CARF: variants seen among roughly 807,000 people sequenced by gnomAD.
The protein encoded by CARF is calcium responsive transcription factor, also known as calcium-responsive transcription factor.
Under a neutral mutation model 82.0 loss-of-function variants are expected in CARF, and 57 were observed. That is an observed-to-expected ratio of 0.70 (90% CI 0.56 to 0.87). The LOEUF (loss-of-function observed/expected upper bound fraction) is 0.87, where lower values mean the gene tolerates loss of function less well. CARF is among the 40% of genes least tolerant of loss of function. The pLI is 0.00. For synonymous variants in CARF, 268 were observed against 290.1 expected (o/e 0.92, Z 0.77); for missense variants, 771 against 855.8 (o/e 0.90, Z 1.24).
At chr2:202,954,810 C>A in intron 7 of CARF, among the ~76,000 whole-genome samples, 1 of 151,274 alleles carries the variant, frequency 6.6e-6, no homozygotes, top group Non-Finnish European at 1.5e-5. Flanking sequence ...GAGATTGAGA[C>A]CATCCTGGCT....
intron 3 of CARF, among the ~76,000 whole-genome samples, chr2:202,927,997 G>A (rs1454053325): frequency 6.6e-6 from 1 of 151,960 alleles, no homozygotes; most frequent in Admixed American, 6.6e-5. Flanking sequence ...TAGAGATGGG[G>A]TCTCACTATG....
At chr2:202,937,926 A>G (rs1274023055) in intron 3 of CARF, among the ~76,000 whole-genome samples, 1 of 117,238 alleles carries the variant, frequency 8.5e-6, no homozygotes, top group African/African-American at 2.7e-5. Context: ...CACCCAGCCA[A>G]CTGTAAAAAA....
intron 3 of CARF, among the ~76,000 whole-genome samples, chr2:202,940,708 G>A (rs1043299493): frequency 1.3e-5 from 2 of 151,986 alleles, no homozygotes; most frequent in Non-Finnish European, 2.9e-5. Flanking sequence ...CCAGCTATTT[G>A]TCCCAACTTC....
At chr2:202,935,758 T>A (rs1693832976) in intron 3 of CARF, among the ~76,000 whole-genome samples, 1 of 152,112 alleles carries the variant, frequency 6.6e-6, no homozygotes, top group Admixed American at 6.6e-5. Flanking sequence ...ATCCTGGACA[T>A]TCTAATAATT....
intron 9 of CARF, among the ~76,000 whole-genome samples, chr2:202,965,238 A>C (rs761164071): frequency 1.3e-4 from 20 of 152,278 alleles, no homozygotes; most frequent in South Asian, 4.1e-4. Flanking sequence ...AAACAGGTCT[A>C]GAGCCTTGAT....
At chr2:202,928,268 C>T (rs533281104) in intron 3 of CARF, among the ~76,000 whole-genome samples, 4 of 152,206 alleles carry the variant, frequency 2.6e-5, no homozygotes, top group African/African-American at 9.7e-5. Flanking sequence ...ATAATGTCCT[C>T]TAAGCCCATC....
At chr2:202,936,079 C>A (rs1693885939) in intron 3 of CARF, among the ~76,000 whole-genome samples, 1 of 152,194 alleles carries the variant, frequency 6.6e-6, no homozygotes. Context: ...AATCCTCCCA[C>A]CTCAGCCTCC....
intron 8 of CARF, among the ~76,000 whole-genome samples, chr2:202,960,720 G>A (rs867885081): frequency 2.2e-4 from 29 of 131,066 alleles, no homozygotes; most frequent in African/African-American, 4.0e-4. Context: ...CCGCCTTCCC[G>A]CCTTCCCACC....
intron 3 of CARF, among the ~76,000 whole-genome samples, chr2:202,937,998 A>T (rs1047773291): frequency 6.6e-6 from 1 of 152,050 alleles, no homozygotes; most frequent in African/African-American, 2.4e-5. Flanking sequence ...AAATGTTTTG[A>T]TACTGACATG....
At position 202,986,885 on chromosome 2, in the gene CARF, T is replaced by TACATATATATATATATATATAC. The variant is rs1553584566; in HGVS notation, c.*3262_*3263insCATATATATATATATATATACA. ...GTCTGTGCGTATATATATATATATA[T>TACATATATATATATATATATAC]ATATATATATATATATATATATAGC... On this transcript the variant is annotated 3_prime_UTR_variant, in exon 17 of 17. Coordinates refer to ENST00000438828, the MANE Select transcript of CARF (RefSeq NM_024744.17). 2 of 94,346 alleles carry TACATATATATATATATATATAC rather than the reference T, an allele frequency of 2.1e-5. No homozygotes were observed. The highest frequency in any genetic ancestry group is 6.2e-5 in the African/African-American group (2 of 32,226). The allele number at this position is 94,346 out of a possible 1,614,324, so 5.8% of individuals were successfully genotyped here.
intron 13 of CARF, among the ~76,000 whole-genome samples, chr2:202,977,068 A>G (rs538111790): frequency 6.6e-6 from 1 of 152,342 alleles, no homozygotes; most frequent in East Asian, 1.9e-4. Context: ...ACTGTTGTCT[A>G]AATCCTTGCT....
At chr2:202,915,982 C>T (rs1231009577) in intron 1 of CARF, among the ~76,000 whole-genome samples, 3 of 151,984 alleles carry the variant, frequency 2.0e-5, no homozygotes, top group Non-Finnish European at 4.4e-5. Context: ...TTTAACATAA[C>T]TTTAAAAACT....
intron 9 of CARF, among the ~76,000 whole-genome samples, chr2:202,965,704 C>T (rs1386733116): frequency 1.3e-5 from 2 of 152,066 alleles, no homozygotes; most frequent in East Asian, 1.9e-4. Context: ...TTAATGTCAG[C>T]TTTATTAACA....
At chr2:202,936,191 A>G (rs1220868751) in intron 3 of CARF, among the ~76,000 whole-genome samples, 2 of 152,098 alleles carry the variant, frequency 1.3e-5, no homozygotes, top group Non-Finnish European at 2.9e-5. Context: ...TTAATATCAA[A>G]TATCTAGTCC....
At chr2:202,932,039 G>A (rs1223656141) in intron 3 of CARF, among the ~76,000 whole-genome samples, 1 of 152,168 alleles carries the variant, frequency 6.6e-6, no homozygotes, top group Non-Finnish European at 1.5e-5. Context: ...TCCAGTCATG[G>A]TGGAAGGCAA....
chr2:202,946,424 G>T (rs897701185), intron 5 of CARF, among the ~76,000 whole-genome samples: 34 of 152,336 alleles, frequency 2.2e-4, no homozygotes, highest in Non-Finnish European at 3.1e-4. Context: ...AATAAATGGT[G>T]CTGGGAAAAC....
chr2:202,977,246 T>C, intron 13 of CARF, 23 bp from the exon 14 acceptor site: 2 of 1,557,662 alleles, frequency 1.3e-6, no homozygotes, highest in Non-Finnish European at 1.8e-6. Flanking sequence ...TTATTTTTAC[T>C]GAAATAAATG....
At chr2:202,981,768 G>T in intron 15 of CARF, 83 bp downstream of exon 15, 1 of 1,216,618 alleles carries the variant, frequency 8.2e-7, no homozygotes, top group South Asian at 1.4e-5. Context: ...GGATTTTAGA[G>T]AATTGTTACA....
At chr2:202,947,296 A>G (rs2058545501) in intron 5 of CARF, among the ~76,000 whole-genome samples, 1 of 152,230 alleles carries the variant, frequency 6.6e-6, no homozygotes, top group African/African-American at 2.4e-5. Context: ...CTATGTAGCC[A>G]TAAAAAAGAA....
Sources: gnomAD v4.1 joint callset for allele counts (sites outside exome capture counted in the v4.1 genomes callset) on GRCh38, gnomAD v4.1.1 for gene constraint, MANE v1.5 for transcripts, NCBI Gene and HGNC (gene_info 2026-07-23, HGNC 2026-07-21) for gene names.